The following WDR1 variants were observed in gnomAD, a reference collection of about 807,000 sequenced individuals.
WDR1 encodes WD repeat-containing protein 1.
A neutral mutation model predicts 71.9 loss-of-function variants in WDR1; 21 were observed. That is an observed-to-expected ratio of 0.29 (90% CI 0.21 to 0.42). The LOEUF (loss-of-function observed/expected upper bound fraction) is 0.42, where lower values mean the gene tolerates loss of function less well. Among genes scored for constraint, WDR1 ranks in the 10% least tolerant of loss-of-function variants. The pLI is 1.00. For synonymous variants in WDR1, 424 were observed against 347.4 expected (o/e 1.22, Z -2.45); for missense variants, 696 against 824.5 (o/e 0.84, Z 1.91).
Position 10,099,005 on chromosome 4 carries a change from C to T in WDR1, c.364G>A (p.Glu122Lys), listed in dbSNP as rs777979433. Residue 122 changes from glutamate (E) to lysine (K), a missense_variant, in exon 4 of 15, where the codon GAA becomes AAA. Transcript: ENST00000499869. Reference sequence around the variant, plus strand: ...GGAGTGACTCACTTCTCCCTTCCTTCCCCGACCACGGCGATCCTCTTACTG... The same window carrying T: ...GGAGTGACTCACTTCTCCCTTCCTTTCCCGACCACGGCGATCCTCTTACTG... ...EDSKRIAVVG[E>K]GREKFGAVFL... The T allele has an allele frequency of 1.2e-6, 2 of 1,613,920 alleles. No homozygotes were observed. The highest frequency in any genetic ancestry group is 1.6e-4 in the Middle Eastern group (1 of 6,078).
chr4:10,084,643 T>A, intron 8 of WDR1, 113 bp from the exon 9 acceptor site: 1 of 949,378 alleles, frequency 1.1e-6, no homozygotes, highest in East Asian at 2.7e-5. Context: ...CGCCCCTCAA[T>A]CCATGGCAGT....
chr4:10,081,224 C>T (rs991444745), intron 11 of WDR1, 133 bp downstream of exon 11: 20 of 726,870 alleles, frequency 2.8e-5, no homozygotes, highest in African/African-American at 2.1e-4. Flanking sequence ...TGTGAGATCC[C>T]TTAGTGCAGT....
chr4:10,079,612 C>A (rs1371557734), intron 11 of WDR1, among the ~76,000 whole-genome samples: 2 of 152,204 alleles, frequency 1.3e-5, no homozygotes, highest in African/African-American at 4.8e-5. Flanking sequence ...CTTGTCAATT[C>A]TTCCGGTTCT....
intron 8 of WDR1, among the ~76,000 whole-genome samples, chr4:10,087,353 G>A (rs531506686): frequency 5.9e-5 from 9 of 152,360 alleles, no homozygotes; most frequent in South Asian, 2.1e-4. Flanking sequence ...GCCTGCAGTC[G>A]GGTAAAGCAC....
intron 11 of WDR1, among the ~76,000 whole-genome samples, chr4:10,080,210 G>C (rs1292360069): frequency 1.3e-5 from 2 of 152,180 alleles, no homozygotes; most frequent in Admixed American, 6.5e-5. Context: ...CAGGGGAAAG[G>C]GTGGCCTATG....
chr4:10,116,604 CG>C, intron 1 of WDR1, 46 bp downstream of exon 1: 1 of 1,183,546 alleles, frequency 8.4e-7, no homozygotes, highest in Non-Finnish European at 1.0e-6. Context: ...GGACCGGGGC[CG>C]GGGCAGCGCG....
intron 2 of WDR1, among the ~76,000 whole-genome samples, chr4:10,111,867 A>C (rs565057744): frequency 6.8e-6 from 1 of 146,928 alleles, no homozygotes; most frequent in East Asian, 2.1e-4. Flanking sequence ...GGTTCCCAGC[A>C]GTGTCAAATT....
intron 9 of WDR1, among the ~76,000 whole-genome samples, chr4:10,084,036 C>T (rs532325501): frequency 5.8e-4 from 88 of 152,312 alleles, no homozygotes; most frequent in African/African-American, 2.1e-3. Flanking sequence ...GGGGACCCAA[C>T]GTAAGGGTGT....
Position 10,084,449 on chromosome 4 carries a change from G to T in WDR1, c.1033C>A (p.His345Asn). Residue 345 changes from histidine to asparagine, a missense_variant, in exon 9 of 15, where the codon CAC becomes AAC. Coordinates refer to ENST00000499869, the MANE Select transcript of WDR1 (RefSeq NM_017491.5). ...SYIYSGSHDG[H>N]INYWDSETGE... Reference sequence around the variant, plus strand: ...TCTTTGAGTCAAAGGATATTAATGTGTCCGTCGTGGCTCCCAGAGTAAATG... The same window carrying T: ...TCTTTGAGTCAAAGGATATTAATGTTTCCGTCGTGGCTCCCAGAGTAAATG... 1.2e-6 allele frequency: 2 copies of T among 1,613,680 alleles called. No individual in the cohort carries two copies. The highest frequency in any genetic ancestry group is 1.7e-6 in the Non-Finnish European group (2 of 1,179,678).
rs1395916589 is a variant in WDR1 at position 10,087,917 on chromosome 4, G to A, written c.741C>T (p.Thr247=). 3.2e-6 allele frequency: 5 copies of A among 1,556,380 alleles called. No individual in the cohort carries two copies. The highest frequency in any genetic ancestry group is 3.5e-6 in the Non-Finnish European group (4 of 1,149,270). Reference sequence around the variant, plus strand: ...TGTCCCCAGAAGCAGAAAGCAAATGGGTGCTGTCGGGACTCCAACTAATCT... The same window carrying A: ...TGTCCCCAGAAGCAGAAAGCAAATGAGTGCTGTCGGGACTCCAACTAATCT... ...IYAISWSPDS[T]HLLSASGDKT... The change falls in exon 8 of 15, where the codon ACC becomes ACT. Residue 247 remains threonine (T), a synonymous_variant. Transcript: ENST00000499869.
intron 8 of WDR1, among the ~76,000 whole-genome samples, chr4:10,087,014 A>AC (rs3836720): frequency 0.17 from 25,041 of 151,374 alleles, 2,576 homozygotes; most frequent in Middle Eastern, 0.24. Context: ...AGAAGGCAGG[A>AC]CCCCCCCAGC....
At position 10,116,759 on chromosome 4, in the gene WDR1, C is replaced by G. The variant is rs1713770721; in HGVS notation, c.-93G>C. ...ACCTCGCCGAGGCCGAGCCCGGGGA[C>G]TGGAGCCGGAAGGCGGCACCGGGCG... On this transcript the variant is annotated 5_prime_UTR_variant, in exon 1 of 15. Coordinates refer to ENST00000499869, the MANE Select transcript of WDR1 (RefSeq NM_017491.5). 2 of 1,235,490 alleles carry G rather than the reference C, an allele frequency of 1.6e-6. No homozygotes were observed. Among genetic ancestry groups the G allele is most frequent in the Non-Finnish European group, 2.0e-6 (2 of 983,792 alleles). 76.5% of individuals were successfully genotyped at this position (1,235,490 alleles called of 1,614,324 possible).
At chr4:10,106,367 T>C (rs948919072) in intron 2 of WDR1, 1 of 152,322 alleles carries the variant, frequency 6.6e-6, no homozygotes, top group Non-Finnish European at 1.5e-5. Flanking sequence ...CCAAAGCACC[T>C]GGCAAGAAAA....
chr4:10,098,262 G>A (rs1251690457), intron 4 of WDR1, among the ~76,000 whole-genome samples: 1 of 152,190 alleles, frequency 6.6e-6, no homozygotes, highest in Non-Finnish European at 1.5e-5. Flanking sequence ...GCTCTTGGCT[G>A]ACATTCAACA....
intron 2 of WDR1, among the ~76,000 whole-genome samples, chr4:10,114,680 G>T (rs1713601546): frequency 6.6e-6 from 1 of 152,206 alleles, no homozygotes; most frequent in Non-Finnish European, 1.5e-5. Context: ...AAAAGCCTCA[G>T]GACCTGCCTT....
In WDR1 at chr4:10,075,317, T is replaced by C; in HGVS notation, c.*61A>G. On this transcript the variant is annotated 3_prime_UTR_variant, in exon 15 of 15. Coordinates refer to ENST00000499869, the MANE Select transcript of WDR1 (RefSeq NM_017491.5). Reference sequence around the variant, plus strand: ...GTCACAGAAATAGAGAAATGACATGTTCCGCTGCAGTTAAACTCTAGTCCC... The same window carrying C: ...GTCACAGAAATAGAGAAATGACATGCTCCGCTGCAGTTAAACTCTAGTCCC... 6.7e-7 allele frequency: 1 copy of C among 1,481,886 alleles called. No homozygotes were observed. The allele number at this position is 1,481,886 out of a possible 1,614,324, so 91.8% of individuals were successfully genotyped here. A position where few individuals can be genotyped will look rare whatever the true frequency, so the allele number is the denominator to read the frequency against.
intron 2 of WDR1, among the ~76,000 whole-genome samples, chr4:10,104,796 T>C (rs1368795368): frequency 6.6e-6 from 1 of 152,208 alleles, no homozygotes; most frequent in Non-Finnish European, 1.5e-5. Flanking sequence ...TAATCTCTGC[T>C]ACCTACTGTC....
chr4:10,077,233 CAGCCTG>C, intron 14 of WDR1, 65 bp downstream of exon 14: 1 of 1,589,000 alleles, frequency 6.3e-7, no homozygotes, highest in South Asian at 1.1e-5. Context: ...AGCCAGGGGA[CAGCCTG>C]TGAGGTGGCC....
At chr4:10,089,891 C>T (rs1006830880) in intron 5 of WDR1, among the ~76,000 whole-genome samples, 2 of 152,208 alleles carry the variant, frequency 1.3e-5, no homozygotes. Flanking sequence ...GAAGTCCCAA[C>T]CCTGGGACCC....
Sources: gnomAD v4.1 joint callset for allele counts (sites outside exome capture counted in the v4.1 genomes callset) on GRCh38, gnomAD v4.1.1 for gene constraint, MANE v1.5 for transcripts, NCBI Gene and HGNC (gene_info 2026-07-23, HGNC 2026-07-21) for gene names.